Variants in MRPL35 observed in about 807,000 individuals in gnomAD.
MRPL35 encodes mitochondrial ribosomal protein L35.
Under a neutral mutation model 21.6 loss-of-function variants are expected in MRPL35, and 18 were observed. The observed-to-expected ratio is 0.83, with a 90% confidence interval of 0.58 to 1.24. MRPL35 has a LOEUF of 1.24. MRPL35 is among the 50% of genes most tolerant of loss of function. The pLI is 0.00. For missense variants in MRPL35, 223 were observed against 223.2 expected (o/e 1.00, Z 0.01); for synonymous variants, 87 against 86.9 (o/e 1.00, Z -0.01).
chr2:86,205,697 C>T (rs150294278), intron 1 of MRPL35, among the ~76,000 whole-genome samples: 12 of 152,296 alleles, frequency 7.9e-5, no homozygotes, highest in African/African-American at 2.9e-4. Context: ...ATCTTTCTGT[C>T]GCCACTCTTG....
At position 86,211,577 on chromosome 2, in the gene MRPL35, A is replaced by G. The variant is rs1412652708; in HGVS notation, c.*909A>G. On this transcript the variant is annotated 3_prime_UTR_variant, in exon 4 of 4. Coordinates refer to ENST00000337109, the MANE Select transcript of MRPL35 (RefSeq NM_016622.4). ...TACTGTAACAACATTTTTTCATAGG[A>G]GAGTAAATAGCCCTTCAGCATGCTC... The G allele has an allele frequency of 1.0e-6, 1 of 985,314 alleles. No homozygotes were observed. The highest frequency in any genetic ancestry group is 1.2e-6 in the Non-Finnish European group (1 of 829,930). The allele number at this position is 985,314 out of a possible 1,614,324, so 61.0% of individuals were successfully genotyped here.
In MRPL35 at chr2:86,211,294, C is replaced by G; in HGVS notation, c.*626C>G. The G allele has an allele frequency of 1.1e-6, 1 of 870,536 alleles. No homozygotes were observed. The highest frequency in any genetic ancestry group is 1.4e-6 in the Non-Finnish European group (1 of 725,566). The allele number at this position is 870,536 out of a possible 1,614,324, so 53.9% of individuals were successfully genotyped here. On this transcript the variant is annotated 3_prime_UTR_variant, in exon 4 of 4. Coordinates refer to ENST00000337109, the MANE Select transcript of MRPL35 (RefSeq NM_016622.4). ...TTTGAGGTTCTTTTCTACATGATGACCTTCAGCTCCTGCTGCTAGTCTCCA... is the reference window on the plus strand; with the variant it reads ...TTTGAGGTTCTTTTCTACATGATGAGCTTCAGCTCCTGCTGCTAGTCTCCA...
At position 86,213,543 on chromosome 2, in the gene MRPL35, T is replaced by C. The variant is rs188019019; in HGVS notation, c.*2875T>C. The C allele has an allele frequency of 8.2e-6, 12 of 1,468,342 alleles. No individual in the cohort carries two copies. In the East Asian group the frequency reaches 2.8e-4, roughly 35 times the overall value. 91.0% of individuals were successfully genotyped at this position (1,468,342 alleles called of 1,614,324 possible). Reference sequence around the variant, plus strand: ...AGTCTTTGTGGCCACCCAATGAAGTTTGAGTCTGCCTGTTCAGATGTGAAA... The same window carrying C: ...AGTCTTTGTGGCCACCCAATGAAGTCTGAGTCTGCCTGTTCAGATGTGAAA... On this transcript the variant is annotated 3_prime_UTR_variant, in exon 4 of 4. Transcript: ENST00000337109.
intron 1 of MRPL35, among the ~76,000 whole-genome samples, chr2:86,203,155 C>T (rs2105834105): frequency 6.6e-6 from 1 of 151,008 alleles, no homozygotes; most frequent in Admixed American, 6.6e-5. Context: ...TCTCAGCTCA[C>T]TGCAAGCTCT....
At chr2:86,200,866 A>G (rs1382437919) in intron 1 of MRPL35, among the ~76,000 whole-genome samples, 2 of 152,062 alleles carry the variant, frequency 1.3e-5, no homozygotes, top group African/African-American at 2.4e-5. Context: ...GGGTTTCTCC[A>G]TGTTGGTCAG....
chr2:86,199,709 G>A (rs1003358024), intron 1 of MRPL35, among the ~76,000 whole-genome samples, 176 bp downstream of exon 1: 1 of 152,206 alleles, frequency 6.6e-6, no homozygotes, highest in Non-Finnish European at 1.5e-5. Context: ...CAAGTCCCCC[G>A]ACTCGGACTC....
Position 86,213,625 on chromosome 2 carries a change from C to T in MRPL35, c.*2957C>T. On this transcript the variant is annotated 3_prime_UTR_variant, in exon 4 of 4. Coordinates refer to ENST00000337109, the MANE Select transcript of MRPL35 (RefSeq NM_016622.4). ...CTTCACCACCCTGTTGTCACCTGCA[C>T]AGGCACTCCCCCATTTGCAGATGAA... 1 of 1,550,478 alleles carries T rather than the reference C, an allele frequency of 6.4e-7. No homozygotes were observed. Among genetic ancestry groups the T allele is most frequent in the Non-Finnish European group, 8.7e-7 (1 of 1,146,896 alleles).
intron 1 of MRPL35, among the ~76,000 whole-genome samples, chr2:86,204,331 T>G: frequency 6.6e-6 from 1 of 152,070 alleles, no homozygotes. Flanking sequence ...TTACATGCCA[T>G]AAAATTACCC....
chr2:86,213,774 A>G lies in MRPL35; in HGVS notation c.*3106A>G. 3 of 1,217,314 alleles carry G rather than the reference A, an allele frequency of 2.5e-6. No homozygotes were observed. The highest frequency in any genetic ancestry group is 3.5e-6 in the Non-Finnish European group (3 of 862,292). The allele number at this position is 1,217,314 out of a possible 1,614,324, so 75.4% of individuals were successfully genotyped here. A position where few individuals can be genotyped will look rare whatever the true frequency, so the allele number is the denominator to read the frequency against. On this transcript the variant is annotated 3_prime_UTR_variant, in exon 4 of 4. Transcript: ENST00000337109. ...CCGATGATTTTTTTAAATGTGAAATAAACAGTGATACTTTCAGGTTTGTAG... is the reference window on the plus strand; with the variant it reads ...CCGATGATTTTTTTAAATGTGAAATGAACAGTGATACTTTCAGGTTTGTAG...
At position 86,212,102 on chromosome 2, in the gene MRPL35, T is replaced by C. The variant is rs1232370311; in HGVS notation, c.*1434T>C. The C allele has an allele frequency of 8.6e-7, 1 of 1,163,390 alleles. No homozygotes were observed. Among genetic ancestry groups the C allele is most frequent in the Non-Finnish European group, 1.1e-6 (1 of 940,554 alleles). 72.1% of individuals were successfully genotyped at this position (1,163,390 alleles called of 1,614,324 possible). A position where few individuals can be genotyped will look rare whatever the true frequency, so the allele number is the denominator to read the frequency against. On this transcript the variant is annotated 3_prime_UTR_variant, in exon 4 of 4. Transcript: ENST00000337109. The stretch of plus-strand genomic sequence containing the variant: ...CTTTGAAAACCATTATTAAATAGAA[T>C]TATGCATGAATTACTGTTTCAGATC...
At chr2:86,205,960 T>G in intron 1 of MRPL35, 146 bp from the exon 2 acceptor site, 1 of 725,320 alleles carries the variant, frequency 1.4e-6, no homozygotes, top group Non-Finnish European at 2.3e-6. Flanking sequence ...TATACCTTAG[T>G]AAGGTGGTAA....
Position 86,212,551 on chromosome 2 carries a change from T to G in MRPL35, c.*1883T>G. The stretch of plus-strand genomic sequence containing the variant: ...CAGAAGTTGGGGAGAAGGATACTTT[T>G]GCACAGCCTCCATGATGTCTTTATT... On this transcript the variant is annotated 3_prime_UTR_variant, in exon 4 of 4. Transcript: ENST00000337109. 6.3e-7 allele frequency: 1 copy of G among 1,582,386 alleles called. No individual in the cohort carries two copies. Among genetic ancestry groups the G allele is most frequent in the Non-Finnish European group, 8.6e-7 (1 of 1,165,092 alleles).
chr2:86,200,048 G>T (rs1300130422), intron 1 of MRPL35, among the ~76,000 whole-genome samples: 4 of 152,166 alleles, frequency 2.6e-5, no homozygotes, highest in South Asian at 2.1e-4. Context: ...CGGCACAAGG[G>T]CTGGTATGAG....
At chr2:86,210,308 C>T (rs1376755305) in intron 3 of MRPL35, among the ~76,000 whole-genome samples, 172 bp from the exon 4 acceptor site, 6 of 143,884 alleles carry the variant, frequency 4.2e-5, no homozygotes, top group Non-Finnish European at 9.2e-5. Context: ...ATCCCCCTCC[C>T]CGCCACCCTC....
rs142669665 is a variant in MRPL35 at position 86,210,917 on chromosome 2, G to C, written c.*249G>C. 2.9e-4 allele frequency: 328 copies of C among 1,121,504 alleles called. No homozygotes were observed. The East Asian group carries it at 0.011, about 39-fold the overall frequency. The allele number at this position is 1,121,504 out of a possible 1,614,324, so 69.5% of individuals were successfully genotyped here. ...GGTATTGGCTTAACTAGTTGTTTCA[G>C]TTATGCTCTTTTAGTTGCAAGGAAT... On this transcript the variant is annotated 3_prime_UTR_variant, in exon 4 of 4. Coordinates refer to ENST00000337109, the MANE Select transcript of MRPL35 (RefSeq NM_016622.4).
chr2:86,206,365 C>G (rs1673792299), intron 2 of MRPL35, 70 bp downstream of exon 2: 1 of 1,416,388 alleles, frequency 7.1e-7, no homozygotes, highest in Admixed American at 2.1e-5. Context: ...CGGAGTCTCA[C>G]TCTGTTGCCC....
chr2:86,207,690 T>G (rs1673830905), intron 3 of MRPL35, among the ~76,000 whole-genome samples: 1 of 150,490 alleles, frequency 6.6e-6, no homozygotes, highest in African/African-American at 2.5e-5. Flanking sequence ...AATTCAGAAT[T>G]CAGCCAGGCA....
chr2:86,209,540 G>A (rs1204076382), intron 3 of MRPL35, among the ~76,000 whole-genome samples: 1 of 152,024 alleles, frequency 6.6e-6, no homozygotes, highest in African/African-American at 2.4e-5. Context: ...TACCTGTATG[G>A]GTGTATATGA....
At position 86,211,580 on chromosome 2, in the gene MRPL35, GTAAA is replaced by G. The variant is rs1181432277; in HGVS notation, c.*915_*918del. The stretch of plus-strand genomic sequence containing the variant: ...TGTAACAACATTTTTTCATAGGAGA[GTAAA>G]TAGCCCTTCAGCATGCTCATTCATG... On this transcript the variant is annotated 3_prime_UTR_variant, in exon 4 of 4. Coordinates refer to ENST00000337109, the MANE Select transcript of MRPL35 (RefSeq NM_016622.4). 2.0e-6 allele frequency: 2 copies of G among 985,434 alleles called. No individual in the cohort carries two copies. The highest frequency in any genetic ancestry group is 4.7e-5 in the South Asian group (1 of 21,292). The allele number at this position is 985,434 out of a possible 1,614,324, so 61.0% of individuals were successfully genotyped here. A position where few individuals can be genotyped will look rare whatever the true frequency, so the allele number is the denominator to read the frequency against.
Sources: gnomAD v4.1 joint callset for allele counts (sites outside exome capture counted in the v4.1 genomes callset) on GRCh38, gnomAD v4.1.1 for gene constraint, MANE v1.5 for transcripts, NCBI Gene and HGNC (gene_info 2026-07-23, HGNC 2026-07-21) for gene names.